VWA8: variants seen among roughly 807,000 people sequenced by gnomAD.
VWA8 encodes von Willebrand factor A domain containing 8.
In VWA8, 221 loss-of-function variants were observed where a neutral mutation model predicts 241.5. That is an observed-to-expected ratio of 0.91 (90% CI 0.82 to 1.02). VWA8 has a LOEUF of 1.02. VWA8 is among the 50% of genes least tolerant of loss of function. VWA8 has a pLI of 0.00. For missense variants in VWA8, 2,322 were observed against 2,328.7 expected, an observed-to-expected ratio of 1.00 and a Z score of 0.06; for synonymous variants, 852 against 827.1, an observed-to-expected ratio of 1.03 and a Z score of -0.52.
chr13:41,747,970 C>G (rs922572510), intron 21 of VWA8, among the ~76,000 whole-genome samples: 1 of 152,164 alleles, frequency 6.6e-6, no homozygotes, highest in Non-Finnish European at 1.5e-5. Context: ...GGTGGATAAG[C>G]TTTTTGATGT....
chr13:41,649,110 G>A (rs1325082704), intron 37 of VWA8, among the ~76,000 whole-genome samples: 5 of 152,164 alleles, frequency 3.3e-5, no homozygotes, highest in Admixed American at 1.3e-4. Flanking sequence ...ACTTGAACCC[G>A]GGAGGCGGAG....
chr13:41,956,786 GAC>G (rs1878368054), intron 1 of VWA8, among the ~76,000 whole-genome samples: 1 of 152,058 alleles, frequency 6.6e-6, no homozygotes, highest in South Asian at 2.1e-4. Context: ...GCAAGAATGA[GAC>G]AGTAAAATAA....
chr13:41,600,188 G>A (rs532281450), intron 40 of VWA8, among the ~76,000 whole-genome samples: 21 of 152,196 alleles, frequency 1.4e-4, no homozygotes, highest in East Asian at 5.8e-4. Flanking sequence ...TGTCACTAGC[G>A]CTCTTCATTA....
chr13:41,842,513 A>G (rs1872104132), intron 12 of VWA8, among the ~76,000 whole-genome samples: 1 of 152,206 alleles, frequency 6.6e-6, no homozygotes, highest in African/African-American at 2.4e-5. Flanking sequence ...ATGTGTGGTA[A>G]GCACTGGAAT....
At chr13:41,582,149 G>A (rs2044386894) in intron 42 of VWA8, among the ~76,000 whole-genome samples, 1 of 152,150 alleles carries the variant, frequency 6.6e-6, no homozygotes, top group African/African-American at 2.4e-5. Context: ...GAGCAATTAT[G>A]AGAAACTTTA....
intron 28 of VWA8, among the ~76,000 whole-genome samples, chr13:41,700,403 A>T (rs1206403047): frequency 6.6e-6 from 1 of 152,120 alleles, no homozygotes; most frequent in Non-Finnish European, 1.5e-5. Context: ...CTATTTTTTT[A>T]GGAGACAATG....
intron 21 of VWA8, among the ~76,000 whole-genome samples, chr13:41,741,111 T>C (rs76731547): frequency 0.014 from 2,122 of 152,252 alleles, 78 homozygotes; most frequent in East Asian, 0.066. Context: ...AAAATACTTA[T>C]TACGTATTTT....
intron 2 of VWA8, among the ~76,000 whole-genome samples, chr13:41,914,288 C>T (rs1304455412): frequency 2.0e-5 from 3 of 152,170 alleles, no homozygotes; most frequent in Non-Finnish European, 4.4e-5. Flanking sequence ...AAAATATCCG[C>T]AGGAGAGTAA....
At chr13:41,950,391 T>C (rs1878073299) in intron 1 of VWA8, among the ~76,000 whole-genome samples, 1 of 151,690 alleles carries the variant, frequency 6.6e-6, no homozygotes, top group Non-Finnish European at 1.5e-5. Flanking sequence ...GTTTTTGAGA[T>C]GGAGTCTCAC....
chr13:41,873,422 T>C (rs1042953140), intron 9 of VWA8, among the ~76,000 whole-genome samples: 9 of 151,540 alleles, frequency 5.9e-5, no homozygotes, highest in African/African-American at 1.9e-4. Context: ...ATCAACAAAA[T>C]TGACAGACCG....
At chr13:41,830,976 A>G (rs1369120649) in intron 13 of VWA8, among the ~76,000 whole-genome samples, 1 of 152,194 alleles carries the variant, frequency 6.6e-6, no homozygotes, top group Admixed American at 6.5e-5. Context: ...TTAATAAACA[A>G]GGCAGGTGGC....
At chr13:41,868,279 C>T in intron 10 of VWA8, 67 bp downstream of exon 10, 1 of 1,587,582 alleles carries the variant, frequency 6.3e-7, no homozygotes, top group Non-Finnish European at 8.6e-7. Context: ...ATCATAAACC[C>T]AATTTAGGTC....
At chr13:41,887,523 T>C (rs1874606382) in intron 5 of VWA8, among the ~76,000 whole-genome samples, 162 bp from the exon 6 acceptor site, 1 of 152,160 alleles carries the variant, frequency 6.6e-6, no homozygotes, top group Non-Finnish European at 1.5e-5. Flanking sequence ...GAAATCAGGT[T>C]CAGGATGCCA....
Position 41,690,203 on chromosome 13 carries a change from T to A in VWA8, c.3939A>T (p.Lys1313Asn), listed in dbSNP as rs1414144033. 1 of 1,612,634 alleles carries A rather than the reference T, an allele frequency of 6.2e-7. No homozygotes were observed. Among genetic ancestry groups the A allele is most frequent in the Non-Finnish European group, 8.5e-7 (1 of 1,179,086 alleles). ...CAAACCCTGTGCTGGGCGGCTCCTCTTTCAGCACATACAACTGGCAAACCC... is the reference window on the plus strand; with the variant it reads ...CAAACCCTGTGCTGGGCGGCTCCTCATTCAGCACATACAACTGGCAAACCC... ...GSGVCQLYVL[K>N]EEPPSTGFGV... Residue 1313 changes from lysine (K) to asparagine (N), a missense_variant, in exon 33 of 45, where the codon AAA becomes AAT. By Grantham distance (94) the Lys-to-Asn change is moderately conservative (BLOSUM62 0). Coordinates refer to ENST00000379310, the MANE Select transcript of VWA8 (RefSeq NM_015058.2).
chr13:41,788,792 C>A (rs1869321554), intron 17 of VWA8, among the ~76,000 whole-genome samples: 1 of 152,164 alleles, frequency 6.6e-6, no homozygotes, highest in South Asian at 2.1e-4. Flanking sequence ...CCTATTACTT[C>A]CTGTCAGAAC....
In VWA8 at chr13:41,615,016, G is replaced by A; in HGVS notation, c.4680C>T (p.Asn1560=). ...SPKHGKEDPD[N]MPHVGGNTWA... ...AAGTGTTGCCGCCCACGTGAGGCAT[G>A]TTGTCTGGGTCCTCCTTCCCGTGTT... Residue 1560 remains asparagine (N), a synonymous_variant, in exon 38 of 45, where the codon AAC becomes AAT. Coordinates refer to ENST00000379310, the MANE Select transcript of VWA8 (RefSeq NM_015058.2). 2 of 1,613,822 alleles carry A rather than the reference G, an allele frequency of 1.2e-6. No homozygotes were observed. Among genetic ancestry groups the A allele is most frequent in the South Asian group, 1.1e-5 (1 of 91,060 alleles).
intron 2 of VWA8, among the ~76,000 whole-genome samples, chr13:41,919,059 A>G (rs1876390192): frequency 6.6e-6 from 1 of 152,176 alleles, no homozygotes; most frequent in Non-Finnish European, 1.5e-5. Context: ...TAAAAAAACC[A>G]AGCCAAACAA....
At chr13:41,621,211 T>G (rs1328494166) in intron 37 of VWA8, among the ~76,000 whole-genome samples, 1 of 152,220 alleles carries the variant, frequency 6.6e-6, no homozygotes, top group African/African-American at 2.4e-5. Flanking sequence ...ATTCAACACT[T>G]TATTATAAAA....
intron 42 of VWA8, 98 bp from the exon 43 acceptor site, chr13:41,575,936 G>A (rs1018837614): frequency 2.4e-5 from 21 of 859,660 alleles, no homozygotes; most frequent in Non-Finnish European, 3.6e-5. Flanking sequence ...ATTGTCCAAA[G>A]TTGCTCAACA....
Sources: allele counts gnomAD v4.1 joint callset (sites outside exome capture counted in the v4.1 genomes callset), GRCh38; gene constraint gnomAD v4.1.1; transcripts MANE v1.5; gene names NCBI Gene and HGNC (gene_info 2026-07-23, HGNC 2026-07-21).